The following SP1 variants were observed in gnomAD, a reference collection of about 807,000 sequenced individuals.
SP1 encodes transcription factor Sp1.
A neutral mutation model predicts 66.3 loss-of-function variants in SP1; 6 were observed. The ratio of observed to expected loss-of-function variants is 0.09; its 90% CI spans 0.05 to 0.18. The LOEUF is 0.18. Among genes scored for constraint, SP1 ranks in the 10% least tolerant of loss-of-function variants. The pLI is 1.00. For missense variants in SP1, 848 were observed against 964.5 expected (o/e 0.88, Z 1.60); for synonymous variants, 417 against 360.8 (o/e 1.16, Z -1.77).
Position 53,415,758 on chromosome 12 carries a change from CTG to C in SP1, c.*4521_*4522del, listed in dbSNP as rs1427559034. The C allele has an allele frequency of 1.3e-5, 2 of 152,578 alleles. No individual in the cohort carries two copies. The highest frequency in any genetic ancestry group is 6.6e-5 in the Admixed American group (1 of 15,262). The allele number at this position is 152,578 out of a possible 1,614,324, so 9.5% of individuals were successfully genotyped here. On this transcript the variant is annotated 3_prime_UTR_variant, in exon 6 of 6. Transcript: ENST00000327443. Reference sequence around the variant, plus strand: ...CCATATCTTGCCTTCAGGAATTACACTGTGCCTTTTCCCCAGGGATATGGGCT... The same window carrying C: ...CCATATCTTGCCTTCAGGAATTACACTGCCTTTTCCCCAGGGATATGGGCT...
chr12:53,405,439 C>T (rs1470386519), intron 3 of SP1, among the ~76,000 whole-genome samples: 3 of 152,060 alleles, frequency 2.0e-5, no homozygotes, highest in African/African-American at 7.2e-5. Flanking sequence ...AAGGCCGAGG[C>T]GGGTGGATCA....
At chr12:53,404,365 A>T (rs1037981099) in intron 3 of SP1, among the ~76,000 whole-genome samples, 2 of 151,940 alleles carry the variant, frequency 1.3e-5, no homozygotes, top group African/African-American at 4.8e-5. Flanking sequence ...CCCCATCTCT[A>T]CTAAAAAAAT....
At position 53,380,536 on chromosome 12, in the gene SP1, C is replaced by T. The variant is rs537575930; in HGVS notation, c.7+238C>T. 5,902 of 622,214 alleles carry T rather than the reference C, an allele frequency of 9.5e-3. 47 individuals are homozygous for T. The highest frequency in any genetic ancestry group is 0.041 in the Admixed American group (780 of 19,182). The allele number at this position is 622,214 out of a possible 1,614,324, so 38.5% of individuals were successfully genotyped here. The stretch of plus-strand genomic sequence containing the variant: ...GGGGGCAGCGTGGCCTCGCCCGCCC[C>T]CTGCCCGCCCCGGCCACGGGGGACG... On this transcript the variant is annotated intron_variant, in intron 1 of 5. Transcript: ENST00000327443.
chr12:53,402,207 C>T (rs1347995880), intron 3 of SP1, among the ~76,000 whole-genome samples: 6 of 150,612 alleles, frequency 4.0e-5, no homozygotes, highest in Non-Finnish European at 8.9e-5. Context: ...TATTTTAGTG[C>T]CATAGGCTGC....
chr12:53,396,999 T>C (rs1171965085), intron 3 of SP1, among the ~76,000 whole-genome samples: 1 of 152,028 alleles, frequency 6.6e-6, no homozygotes, highest in African/African-American at 2.4e-5. Context: ...CCTTTTTCAT[T>C]TACCTTTCTA....
At chr12:53,397,036 C>T (rs912360086) in intron 3 of SP1, among the ~76,000 whole-genome samples, 10 of 151,670 alleles carry the variant, frequency 6.6e-5, no homozygotes, top group African/African-American at 9.7e-5. Flanking sequence ...TTGTTTTGAG[C>T]GGGAGTTTTG....
Position 53,396,397 on chromosome 12 carries a change from G to A in SP1, c.1676-10188G>A, listed in dbSNP as rs1393676003. ...ATCCTGGCCAACGTGGTAAAACCCC[G>A]TCTCTACTAAAAATACAAAAATTAC... On this transcript the variant is annotated intron_variant, in intron 3 of 5. Transcript: ENST00000327443. Among the ~76,000 whole-genome samples, 5 of 151,546 alleles carry A rather than the reference G, an allele frequency of 3.3e-5. No individual in the cohort carries two copies. In the East Asian group the frequency reaches 5.8e-4, roughly 18 times the overall value.
chr12:53,411,252 C>G lies in SP1; in HGVS notation c.*12C>G. Reference sequence around the variant, plus strand: ...GCAATGGCTTCTGAGATCAGGCACCCGGGGCCAGAGACATATGGGCCATAC... The same window carrying G: ...GCAATGGCTTCTGAGATCAGGCACCGGGGGCCAGAGACATATGGGCCATAC... On this transcript the variant is annotated 3_prime_UTR_variant, in exon 6 of 6. Coordinates refer to ENST00000327443, the MANE Select transcript of SP1 (RefSeq NM_138473.3). 1 of 1,601,520 alleles carries G rather than the reference C, an allele frequency of 6.2e-7. No homozygotes were observed.
At chr12:53,402,685 A>G (rs1204501315) in intron 3 of SP1, among the ~76,000 whole-genome samples, 1 of 149,848 alleles carries the variant, frequency 6.7e-6, no homozygotes, top group African/African-American at 2.5e-5. Context: ...CTAAAAATGC[A>G]GCCGGGTGCA....
chr12:53,397,963 C>T (rs1444138229), intron 3 of SP1, among the ~76,000 whole-genome samples: 1 of 152,138 alleles, frequency 6.6e-6, no homozygotes, highest in African/African-American at 2.4e-5. Flanking sequence ...TGCTACTGAA[C>T]CTTTGGTCTT....
intron 3 of SP1, among the ~76,000 whole-genome samples, chr12:53,400,274 C>G (rs968431412): frequency 2.0e-5 from 3 of 152,296 alleles, no homozygotes; most frequent in Admixed American, 2.0e-4. Context: ...AGTATGTGGT[C>G]TTTAATGACT....
In SP1 at chr12:53,406,635, CATG is replaced by C; in HGVS notation, c.1731_1733del (p.Asp578del). On this transcript the variant is annotated inframe_deletion, in exon 4 of 6. Coordinates refer to ENST00000327443, the MANE Select transcript of SP1 (RefSeq NM_138473.3). ...CCATGGGGCTGGTGGTGATGGAATA[CATG>C]ATGACACAGCAGGTGGAGAGGAAGG... 1.2e-6 allele frequency: 2 copies of C among 1,613,994 alleles called. No individual in the cohort carries two copies. The highest frequency in any genetic ancestry group is 3.3e-5 in the Admixed American group (2 of 60,004).
intron 3 of SP1, among the ~76,000 whole-genome samples, chr12:53,385,383 C>T (rs960267567): frequency 3.3e-5 from 5 of 150,164 alleles, no homozygotes; most frequent in Non-Finnish European, 7.4e-5. Context: ...ATCACAAGGT[C>T]AAGAGATCGA....
intron 3 of SP1, among the ~76,000 whole-genome samples, chr12:53,388,160 C>T (rs1938271170): frequency 6.6e-6 from 1 of 152,154 alleles, no homozygotes; most frequent in Non-Finnish European, 1.5e-5. Flanking sequence ...TTAGACACTT[C>T]TGGGCAACCT....
At position 53,412,688 on chromosome 12, in the gene SP1, CTT is replaced by C. The variant is rs1014506594; in HGVS notation, c.*1449_*1450del. 3.9e-5 allele frequency: 6 copies of C among 152,552 alleles called. No individual in the cohort carries two copies. Among genetic ancestry groups the C allele is most frequent in the African/African-American group, 1.4e-4 (6 of 41,428 alleles). The allele number at this position is 152,552 out of a possible 1,614,324, so 9.4% of individuals were successfully genotyped here. Reference sequence around the variant, plus strand: ...ATGATAGCCCAGAACAAAAAGAAATCTTGTCTTACCACAGTGTTTTATAGGAG... The same window carrying C: ...ATGATAGCCCAGAACAAAAAGAAATCGTCTTACCACAGTGTTTTATAGGAG... On this transcript the variant is annotated 3_prime_UTR_variant, in exon 6 of 6. Coordinates refer to ENST00000327443, the MANE Select transcript of SP1 (RefSeq NM_138473.3).
In SP1 at chr12:53,383,231, A is replaced by C. The variant is rs756871966; in HGVS notation, c.1284A>C (p.Gln428His). The C allele has an allele frequency of 8.7e-6, 14 of 1,614,162 alleles. No individual in the cohort carries two copies. Among genetic ancestry groups the C allele is most frequent in the East Asian group, 2.2e-5 (1 of 44,880 alleles). ...APLSGQTFTT[Q>H]AISQETLQNL... ...TGTCAGGGCAGACCTTTACAACTCAAGCCATCTCCCAGGAAACCCTCCAGA... is the reference window on the plus strand; with the variant it reads ...TGTCAGGGCAGACCTTTACAACTCACGCCATCTCCCAGGAAACCCTCCAGA... Residue 428 changes from glutamine (Q) to histidine (H), a missense_variant, in exon 3 of 6, where the codon CAA becomes CAC. By Grantham distance (24) the Gln-to-His change is conservative. This residue lies in a region of SP1 where 606 missense variants were observed against 589.9 expected (regional missense o/e 1.03). Coordinates refer to ENST00000327443, the MANE Select transcript of SP1 (RefSeq NM_138473.3).
rs113057437 is a variant in SP1, at chr12:53,409,006, C to A, written c.1845-356C>A. ...GAGGCGGAGGTGGGCAGATCCATCA[C>A]CTGAGCTCAGGGGTTCGAGACCAGC... On this transcript the variant is annotated intron_variant, in intron 4 of 5. Transcript: ENST00000327443. Among the ~76,000 whole-genome samples the A allele has an allele frequency of 4.9e-3, 748 of 152,058 alleles. 6 individuals carry two copies. Among genetic ancestry groups the A allele is most frequent in the African/African-American group, 0.017 (724 of 41,492 alleles).
At chr12:53,409,157 G>A (rs1011328672) in intron 4 of SP1, among the ~76,000 whole-genome samples, 6 of 152,038 alleles carry the variant, frequency 3.9e-5, no homozygotes, top group African/African-American at 9.7e-5. Flanking sequence ...CCTAGGAGGC[G>A]GAGGTTGCAG....
intron 3 of SP1, among the ~76,000 whole-genome samples, chr12:53,392,546 A>AC (rs1938377446): frequency 6.7e-6 from 1 of 149,888 alleles, no homozygotes. Flanking sequence ...TTTAGTAGAG[A>AC]CGGGGTTTCA....
Sources: gnomAD v4.1 joint callset for allele counts (sites outside exome capture counted in the v4.1 genomes callset) on GRCh38, gnomAD v4.1.1 for gene constraint, gnomAD v4.1.1 regional missense constraint, MANE v1.5 for transcripts, NCBI Gene and HGNC (gene_info 2026-07-23, HGNC 2026-07-21) for gene names.